FHL1: variants seen among roughly 807,000 people sequenced by gnomAD.
FHL1 encodes four and a half LIM domains protein 1.
In FHL1, 1 loss-of-function variant was observed where a neutral mutation model predicts 20.3. The observed-to-expected ratio is 0.05, with a 90% CI of 0.02 to 0.23. The LOEUF (loss-of-function observed/expected upper bound fraction) is 0.23, where lower values mean the gene tolerates loss of function less well. Ranked by LOEUF, FHL1 falls within the 10% of genes least tolerant of loss-of-function variation. FHL1 has a pLI of 1.00. For synonymous variants in FHL1, 82 were observed against 88.9 expected (o/e 0.92, Z 0.44); for missense variants, 177 against 234.0 (o/e 0.76, Z 1.59).
intron 1 of FHL1, among the ~76,000 whole-genome samples, chrX:136,161,969 A>G (rs1364477853): frequency 9.1e-6 from 1 of 109,384 alleles, no homozygotes; most frequent in Non-Finnish European, 1.9e-5. Flanking sequence ...CTAAAAATAC[A>G]AACATTAGCT....
intron 1 of FHL1, among the ~76,000 whole-genome samples, chrX:136,155,201 C>T (rs1329255656): frequency 9.0e-6 from 1 of 111,428 alleles, no homozygotes. Context: ...CCATATCCTT[C>T]TATCACATTC....
intron 1 of FHL1, chrX:136,148,242 G>C (rs1304053505): frequency 2.0e-5 from 2 of 102,206 alleles, no homozygotes; most frequent in African/African-American, 7.2e-5. Context: ...GAGGATGGCG[G>C]GGGTGGCGAC....
At chrX:136,176,627 G>T (rs1223967182) in intron 2 of FHL1, among the ~76,000 whole-genome samples, 1 of 111,416 alleles carries the variant, frequency 9.0e-6, no homozygotes, top group Non-Finnish European at 1.9e-5. Flanking sequence ...GCCTAGTTCT[G>T]TTTGGTTTTG....
upstream of FHL1, among the ~76,000 whole-genome samples, chrX:136,167,390 A>G (rs2148292616): frequency 9.1e-6 from 1 of 109,636 alleles, no homozygotes; most frequent in South Asian, 4.0e-4. Flanking sequence ...TTTTTTTGGT[A>G]GAGACGGGGT....
At chrX:136,189,385 G>A in intron 2 of FHL1, among the ~76,000 whole-genome samples, 1 of 111,783 alleles carries the variant, frequency 8.9e-6, no homozygotes, top group South Asian at 3.8e-4. Context: ...GAGTCCCTAG[G>A]ACTTTGAGTT....
chrX:136,163,042 G>A (rs2072616081), intron 1 of FHL1, among the ~76,000 whole-genome samples: 1 of 112,164 alleles, frequency 8.9e-6, no homozygotes. Flanking sequence ...AAGGCAGAAG[G>A]GCAAGAGAGC....
chrX:136,186,259 A>G (rs1316546252), intron 2 of FHL1, among the ~76,000 whole-genome samples: 1 of 111,125 alleles, frequency 9.0e-6, no homozygotes, highest in Non-Finnish European at 1.9e-5. Flanking sequence ...TGGATTTGGA[A>G]TCAAAAGCCA....
At chrX:136,189,565 A>T (rs1250639221) in intron 2 of FHL1, among the ~76,000 whole-genome samples, 1 of 111,828 alleles carries the variant, frequency 8.9e-6, no homozygotes, top group East Asian at 2.8e-4. Flanking sequence ...TTTAGCGTGT[A>T]GTTGAATTAA....
intron 1 of FHL1, among the ~76,000 whole-genome samples, chrX:136,152,054 A>G (rs965336801): frequency 8.9e-6 from 1 of 112,233 alleles, no homozygotes; most frequent in Admixed American, 9.5e-5. Context: ...CCTATATACC[A>G]TTGGGCTTGC....
chrX:136,167,800 C>T (rs1220401841), upstream of FHL1: 2 of 110,839 alleles, frequency 1.8e-5, no homozygotes, highest in African/African-American at 6.6e-5. Context: ...AAAAGAGAAC[C>T]GGATTCCGTC....
At chrX:136,165,200 G>T (rs933680313), upstream of FHL1, among the ~76,000 whole-genome samples, 1 of 111,347 alleles carries the variant, frequency 9.0e-6, no homozygotes, top group Non-Finnish European at 1.9e-5. Context: ...TGAATATACT[G>T]TTAAAGATTT....
intron 2 of FHL1, among the ~76,000 whole-genome samples, chrX:136,179,332 A>G (rs757629196): frequency 8.0e-5 from 9 of 111,887 alleles, no homozygotes; most frequent in Non-Finnish European, 1.7e-4. Flanking sequence ...ACAGTACAAC[A>G]TGCTCCAGTA....
At chrX:136,196,515 C>CGTGA (rs1244907811), upstream of FHL1, among the ~76,000 whole-genome samples, 1 of 111,337 alleles carries the variant, frequency 9.0e-6, no homozygotes, top group Non-Finnish European at 1.9e-5. Context: ...ATTACGATCA[C>CGTGA]TCTCCTTTCC....
chrX:136,179,427 T>C (rs1356595310), intron 2 of FHL1, among the ~76,000 whole-genome samples: 1 of 111,955 alleles, frequency 8.9e-6, no homozygotes, highest in Admixed American at 9.5e-5. Flanking sequence ...GACCTGACTT[T>C]TGGTCCTCTC....
intron 2 of FHL1, among the ~76,000 whole-genome samples, chrX:136,186,853 CAAAA>C (rs1158651934): frequency 2.2e-3 from 48 of 21,578 alleles, no homozygotes; most frequent in Non-Finnish European, 3.6e-3. Flanking sequence ...GACTCCATCT[CAAAA>C]AAAAAAAAAT....
chrX:136,179,291 T>C (rs376168699), intron 2 of FHL1, among the ~76,000 whole-genome samples: 2 of 111,868 alleles, frequency 1.8e-5, no homozygotes, highest in African/African-American at 3.2e-5. Context: ...ACCCTTTGCA[T>C]TGGGCTCATG....
At chrX:136,192,283 TA>T (rs1285109639), upstream of FHL1, among the ~76,000 whole-genome samples, 1 of 111,909 alleles carries the variant, frequency 8.9e-6, no homozygotes, top group Non-Finnish European at 1.9e-5. Flanking sequence ...TATAGGCCCA[TA>T]AAGTATCTGT....
intron 2 of FHL1, among the ~76,000 whole-genome samples, chrX:136,177,160 T>C (rs760224509): frequency 8.9e-6 from 1 of 112,013 alleles, no homozygotes; most frequent in Admixed American, 9.5e-5. Flanking sequence ...AATGGAACCA[T>C]TGACTGGACA....
intron 1 of FHL1, among the ~76,000 whole-genome samples, chrX:136,157,168 G>C (rs979836962): frequency 9.0e-6 from 1 of 111,633 alleles, no homozygotes; most frequent in Non-Finnish European, 1.9e-5. Context: ...ACAATGAAAA[G>C]ATAAAGTCCT....
Sources: gnomAD v4.1 joint callset for allele counts (sites outside exome capture counted in the v4.1 genomes callset) on GRCh38, gnomAD v4.1.1 for gene constraint, MANE v1.5 for transcripts, NCBI Gene and HGNC (gene_info 2026-07-23, HGNC 2026-07-21) for gene names.